Variants in GIPC2 observed in about 807,000 individuals in gnomAD.
The protein encoded by GIPC2 is GIPC PDZ domain containing family member 2, also known as PDZ domain-containing protein GIPC2.
Under a neutral mutation model 30.6 loss-of-function variants are expected in GIPC2, and 30 were observed. The observed-to-expected ratio is 0.98, with a 90% CI of 0.73 to 1.33. The LOEUF is 1.33. Among genes scored for constraint, GIPC2 ranks in the 40% most tolerant of loss-of-function variants. GIPC2 has a pLI of 0.00. For synonymous variants in GIPC2, 167 were observed against 150.0 expected (o/e 1.11, Z -0.83); for missense variants, 414 against 390.3 (o/e 1.06, Z -0.51).
At chr1:78,060,899 T>TC (rs1661380436) in intron 1 of GIPC2, among the ~76,000 whole-genome samples, 1 of 132,754 alleles carries the variant, frequency 7.5e-6, no homozygotes, top group Non-Finnish European at 1.8e-5. Context: ...CACTTTATCT[T>TC]CTTTTTTTTT....
At chr1:78,057,912 T>C (rs1485646116) in intron 1 of GIPC2, among the ~76,000 whole-genome samples, 1 of 152,224 alleles carries the variant, frequency 6.6e-6, no homozygotes, top group East Asian at 1.9e-4. Flanking sequence ...GTTGGGTTAT[T>C]CTCTGAACTC....
At chr1:78,066,334 A>C (rs1661510809) in intron 1 of GIPC2, among the ~76,000 whole-genome samples, 1 of 152,248 alleles carries the variant, frequency 6.6e-6, no homozygotes, top group Non-Finnish European at 1.5e-5. Flanking sequence ...CCACAGTGAT[A>C]TACCGTCTCA....
At chr1:78,045,510 A>T (rs1661051084), upstream of GIPC2, 1 of 964,818 alleles carries the variant, frequency 1.0e-6, no homozygotes, top group Non-Finnish European at 1.2e-6. Context: ...AGGGAAACTC[A>T]GAGGTGCCAA....
chr1:78,090,319 C>T (rs909459705), intron 2 of GIPC2, among the ~76,000 whole-genome samples: 2 of 152,082 alleles, frequency 1.3e-5, no homozygotes, highest in Admixed American at 6.6e-5. Context: ...CTCAGCCTCC[C>T]GAGTAGCTGG....
At position 78,095,346 on chromosome 1, in the gene GIPC2, AT is replaced by A. The variant is rs572787107; in HGVS notation, c.607+218del. ...GAAAATTATTGCCTTGTAAAAGGAC[AT>A]TTTCCAAACATTTGAAATTACAAAG... is the stretch of plus-strand genomic sequence containing the variant. On this transcript the variant is annotated intron_variant, in intron 3 of 5. Coordinates refer to ENST00000370759, the MANE Select transcript of GIPC2 (RefSeq NM_017655.6). 1.4e-4 allele frequency among the ~76,000 whole-genome samples: 22 copies of A among 152,268 alleles called. No homozygotes were observed. In the East Asian group the frequency reaches 4.2e-3, roughly 29 times the overall value.
intron 2 of GIPC2, among the ~76,000 whole-genome samples, chr1:78,090,764 C>G (rs1482646075): frequency 2.0e-5 from 3 of 152,024 alleles, no homozygotes; most frequent in Admixed American, 2.0e-4. Flanking sequence ...TTTGCCCAAA[C>G]TAAGAATCAG....
chr1:78,071,042 G>A (rs980355339), intron 1 of GIPC2, among the ~76,000 whole-genome samples: 1 of 151,990 alleles, frequency 6.6e-6, no homozygotes, highest in African/African-American at 2.4e-5. Context: ...CTGTCTTGTC[G>A]CCAATTTTAT....
chr1:78,057,589 C>G (rs181109975), intron 1 of GIPC2, among the ~76,000 whole-genome samples: 2 of 152,228 alleles, frequency 1.3e-5, no homozygotes, highest in African/African-American at 4.8e-5. Flanking sequence ...ACTAAAAACC[C>G]TGTAATAAAA....
At chr1:78,074,427 C>T (rs567326903) in intron 1 of GIPC2, among the ~76,000 whole-genome samples, 7 of 152,014 alleles carry the variant, frequency 4.6e-5, no homozygotes, top group South Asian at 2.1e-4. Context: ...CTCGCTGAGG[C>T]GACTAGGCTG....
intron 2 of GIPC2, among the ~76,000 whole-genome samples, chr1:78,083,991 T>C (rs951847470): frequency 2.1e-4 from 31 of 148,790 alleles, no homozygotes; most frequent in African/African-American, 7.3e-4. Context: ...TTAGCTGTGC[T>C]CATACACTGA....
chr1:78,082,743 A>T (rs1044865815), intron 2 of GIPC2, among the ~76,000 whole-genome samples: 1 of 152,248 alleles, frequency 6.6e-6, no homozygotes, highest in Non-Finnish European at 1.5e-5. Context: ...TAAACTGCCA[A>T]CATATAGTTC....
intron 1 of GIPC2, among the ~76,000 whole-genome samples, chr1:78,052,264 G>A (rs1024185295): frequency 4.6e-5 from 7 of 152,016 alleles, no homozygotes; most frequent in Non-Finnish European, 4.4e-5. Context: ...ATTTTTCTCC[G>A]TAGCATACTA....
At chr1:78,077,979 G>C (rs1207733100) in intron 1 of GIPC2, among the ~76,000 whole-genome samples, 1 of 151,826 alleles carries the variant, frequency 6.6e-6, no homozygotes, top group Non-Finnish European at 1.5e-5. Flanking sequence ...ACGAGGTCAG[G>C]AGATCGAGAC....
intron 1 of GIPC2, among the ~76,000 whole-genome samples, chr1:78,069,745 A>T (rs1242098686): frequency 6.6e-6 from 1 of 152,106 alleles, no homozygotes; most frequent in Non-Finnish European, 1.5e-5. Context: ...AAATGCTGGG[A>T]TTACAGGCAT....
chr1:78,095,140 AG>A lies in GIPC2; in HGVS notation c.607+12del. ...AACCTAAGAAGGCATTTGGTAAGTC[AG>A]GGGTTGGTGGGCGGGTGTGTGAAAT... is the stretch of plus-strand genomic sequence containing the variant. On this transcript the variant is annotated intron_variant, in intron 3 of 5. Coordinates refer to ENST00000370759, the MANE Select transcript of GIPC2 (RefSeq NM_017655.6). 6.2e-7 allele frequency: 1 copy of A among 1,603,074 alleles called. No homozygotes were observed. Among genetic ancestry groups the A allele is most frequent in the Non-Finnish European group, 8.5e-7 (1 of 1,170,976 alleles).
intron 1 of GIPC2, among the ~76,000 whole-genome samples, chr1:78,047,750 G>A (rs1263805652): frequency 1.3e-5 from 2 of 152,068 alleles, no homozygotes; most frequent in East Asian, 1.9e-4. Context: ...GTATGTAAAC[G>A]TATCAGATTG....
chr1:78,076,139 G>A (rs1320628059), intron 1 of GIPC2, among the ~76,000 whole-genome samples: 1 of 152,202 alleles, frequency 6.6e-6, no homozygotes, highest in Non-Finnish European at 1.5e-5. Flanking sequence ...TAAATTGGTA[G>A]TCATTAAGCA....
chr1:78,080,263 A>G (rs1035999751), intron 1 of GIPC2, among the ~76,000 whole-genome samples: 5 of 152,216 alleles, frequency 3.3e-5, no homozygotes, highest in Non-Finnish European at 7.4e-5. Context: ...GTCCCTTGGC[A>G]GAAACCACTT....
rs35263483 is a variant in GIPC2, at chr1:78,049,893, C to CT, written c.240+3580dup. ...TCCAAATACGAACCCAGAAAAACCT[C>CT]TTTTTTTTTTTTTTTTTTTTTGAGA... is the stretch of plus-strand genomic sequence containing the variant. On this transcript the variant is annotated intron_variant, in intron 1 of 5. Coordinates refer to ENST00000370759, the MANE Select transcript of GIPC2 (RefSeq NM_017655.6). 8.4e-3 allele frequency among the ~76,000 whole-genome samples: 830 copies of CT among 98,436 alleles called. 25 individuals are homozygous for CT. The highest frequency in any genetic ancestry group is 0.024 in the African/African-American group (637 of 26,892). 64.6% of individuals were successfully genotyped at this position (98,436 alleles called of 152,430 possible).
Sources: gnomAD v4.1 joint callset for allele counts (sites outside exome capture counted in the v4.1 genomes callset) on GRCh38, gnomAD v4.1.1 for gene constraint, MANE v1.5 for transcripts, NCBI Gene and HGNC (gene_info 2026-07-23, HGNC 2026-07-21) for gene names.